Variants in LINGO2 observed in about 807,000 individuals in gnomAD.
The protein encoded by LINGO2 is leucine-rich repeat and immunoglobulin-like domain-containing nogo receptor-interacting protein 2.
A neutral mutation model predicts 30.6 loss-of-function variants in LINGO2; 14 were observed. The observed-to-expected ratio is 0.46, with a 90% confidence interval of 0.30 to 0.72. The LOEUF (loss-of-function observed/expected upper bound fraction) is 0.72. LINGO2 is among the 30% of genes least tolerant of loss of function. The pLI, the probability that LINGO2 is intolerant of heterozygous loss-of-function variation, is 0.07. For synonymous variants in LINGO2, 317 were observed against 288.5 expected (o/e 1.10, Z -1.00); for missense variants, 729 against 751.7 (o/e 0.97, Z 0.35).
chr9:28,056,913 C>T (rs1824959384), intron 4 of LINGO2, among the ~76,000 whole-genome samples: 1 of 152,104 alleles, frequency 6.6e-6, no homozygotes, highest in Admixed American at 6.6e-5. Flanking sequence ...AAGCATGCTA[C>T]ATAATTGTCA....
the LINGO2 span, among the ~76,000 whole-genome samples, chr9:28,841,284 A>C: frequency 6.6e-6 from 1 of 151,772 alleles, no homozygotes; most frequent in Non-Finnish European, 1.5e-5. Context: ...GACATAGAAT[A>C]AGAGCTCAAA....
intron 4 of LINGO2, among the ~76,000 whole-genome samples, chr9:28,277,837 C>CAAAAAAAAAAAAACAAAAAA (rs765748438): frequency 1.9e-5 from 2 of 107,998 alleles, no homozygotes; most frequent in African/African-American, 7.1e-5. Context: ...CAAAACAAAA[C>CAAAAAAAAAAAAACAAAAAA]AAAAAAAAAA....
intron 1 of LINGO2, among the ~76,000 whole-genome samples, chr9:28,606,672 C>T (rs1339327004): frequency 6.6e-6 from 1 of 151,956 alleles, no homozygotes; most frequent in Non-Finnish European, 1.5e-5. Context: ...TTCAGCAAGA[C>T]TAGAATGAAA....
chr9:28,052,919 G>A (rs1245243426), intron 4 of LINGO2, among the ~76,000 whole-genome samples: 6 of 151,966 alleles, frequency 3.9e-5, no homozygotes, highest in African/African-American at 1.5e-4. Flanking sequence ...ATGTGTACAA[G>A]TAAAAATCTG....
chr9:29,080,511 C>T, the LINGO2 span, among the ~76,000 whole-genome samples: 7 of 151,862 alleles, frequency 4.6e-5, no homozygotes, highest in Non-Finnish European at 8.8e-5. Flanking sequence ...GCTCTTGCTT[C>T]TCTAGTTCTT....
rs35618477 is a variant in LINGO2 at position 28,567,794 on chromosome 9, A to AAAATAAATAAAT, written c.-364-91781_-364-91770dup. 3.4e-3 allele frequency among the ~76,000 whole-genome samples: 517 copies of AAAATAAATAAAT among 150,010 alleles called. 3 individuals are homozygous for AAAATAAATAAAT. Among genetic ancestry groups the AAAATAAATAAAT allele is most frequent in the African/African-American group, 9.7e-3 (392 of 40,614 alleles). On this transcript the variant is annotated intron_variant, in intron 1 of 5. Transcript: ENST00000379992. Reference sequence around the variant, plus strand: ...ACCTGCACATGTACTTCCTGAATCTAAAATAAATAAATAAATAAATAAATA... The same window carrying AAAATAAATAAAT: ...ACCTGCACATGTACTTCCTGAATCTAAAATAAATAAATAAATAAATAAATAAATAAATAAATA...
the LINGO2 span, among the ~76,000 whole-genome samples, chr9:28,743,685 C>G: frequency 6.6e-6 from 1 of 151,888 alleles, no homozygotes; most frequent in African/African-American, 2.4e-5. Flanking sequence ...TTGAACTGCC[C>G]TCTATGGGAT....
At chr9:28,821,737 A>T in the LINGO2 span, among the ~76,000 whole-genome samples, 1 of 152,216 alleles carries the variant, frequency 6.6e-6, no homozygotes, top group African/African-American at 2.4e-5. Context: ...CTTGGGCAGC[A>T]AAAGATGGGA....
At chr9:27,976,724 A>G (rs776090118) in intron 5 of LINGO2, among the ~76,000 whole-genome samples, 1 of 152,172 alleles carries the variant, frequency 6.6e-6, no homozygotes, top group Non-Finnish European at 1.5e-5. Context: ...CTATTCAGAA[A>G]TCTCACTTTC....
chr9:28,928,725 T>C, the LINGO2 span, among the ~76,000 whole-genome samples: 1 of 152,034 alleles, frequency 6.6e-6, no homozygotes, highest in Non-Finnish European at 1.5e-5. Context: ...TTCCTAATTC[T>C]TTTTTTTGTT....
intron 4 of LINGO2, among the ~76,000 whole-genome samples, chr9:28,155,735 G>C (rs182673932): frequency 6.6e-6 from 1 of 152,114 alleles, no homozygotes; most frequent in Non-Finnish European, 1.5e-5. Context: ...TGGAGGTGAC[G>C]GTATTAGGAA....
the LINGO2 span, among the ~76,000 whole-genome samples, chr9:28,953,389 A>G: frequency 6.6e-6 from 1 of 152,144 alleles, no homozygotes; most frequent in Admixed American, 6.6e-5. Flanking sequence ...CATTTATCAT[A>G]TTAGAAATGA....
the LINGO2 span, among the ~76,000 whole-genome samples, chr9:28,734,064 T>C: frequency 3.9e-5 from 6 of 152,124 alleles, no homozygotes; most frequent in South Asian, 6.2e-4. Context: ...TATGATTTTT[T>C]TCTCTCTCTC....
chr9:28,895,144 G>A, the LINGO2 span, among the ~76,000 whole-genome samples: 5 of 152,020 alleles, frequency 3.3e-5, no homozygotes, highest in Non-Finnish European at 7.4e-5. Context: ...AATACTAGTT[G>A]GGAGCTAATT....
At chr9:28,274,194 T>C (rs1026782334) in intron 4 of LINGO2, among the ~76,000 whole-genome samples, 2 of 152,196 alleles carry the variant, frequency 1.3e-5, no homozygotes, top group Admixed American at 6.5e-5. Context: ...CATATCAAAA[T>C]AATGTTTCCT....
chr9:28,791,657 A>G, the LINGO2 span, among the ~76,000 whole-genome samples: 1 of 152,098 alleles, frequency 6.6e-6, no homozygotes, highest in South Asian at 2.1e-4. Flanking sequence ...CTGAAATAAA[A>G]AAGTACTCTA....
chr9:28,780,337 G>T, the LINGO2 span, among the ~76,000 whole-genome samples: 1 of 121,128 alleles, frequency 8.3e-6, no homozygotes, highest in Admixed American at 9.1e-5. Flanking sequence ...AGGGTCTTTT[G>T]TGAGTAAAAT....
At chr9:28,780,642 G>T in the LINGO2 span, among the ~76,000 whole-genome samples, 1 of 152,068 alleles carries the variant, frequency 6.6e-6, no homozygotes, top group Non-Finnish European at 1.5e-5. Context: ...CAGGTGAACA[G>T]CTTCAGATTT....
At chr9:28,810,340 T>C in the LINGO2 span, among the ~76,000 whole-genome samples, 6 of 152,184 alleles carry the variant, frequency 3.9e-5, no homozygotes, top group African/African-American at 9.7e-5. Context: ...AATTAAACTA[T>C]TATCTGAGTT....
Sources: gnomAD v4.1 joint callset for allele counts (sites outside exome capture counted in the v4.1 genomes callset) on GRCh38, gnomAD v4.1.1 for gene constraint, MANE v1.5 for transcripts, NCBI Gene and HGNC (gene_info 2026-07-23, HGNC 2026-07-21) for gene names.